Variants in RASAL2 observed in about 807,000 individuals in gnomAD.
RASAL2 encodes RAS protein activator like 2.
In RASAL2, 58 loss-of-function variants were observed where a neutral mutation model predicts 128.9. That is an observed-to-expected ratio of 0.45 (90% CI 0.36 to 0.56). The LOEUF is 0.56. Among genes scored for constraint, RASAL2 ranks in the 20% least tolerant of loss-of-function variants. RASAL2 has a pLI of 0.00. For missense variants in RASAL2, 1,360 were observed against 1,601.6 expected (o/e 0.85, Z 2.57); for synonymous variants, 561 against 580.8 (o/e 0.97, Z 0.49).
rs530178445 is a variant in RASAL2, at chr1:178,375,869, C to T, written c.458-14231C>T. Among the ~76,000 whole-genome samples, 38 of 152,204 alleles carry T rather than the reference C, an allele frequency of 2.5e-4. 1 individual carries two copies. Among genetic ancestry groups the T allele is most frequent in the Admixed American group, 1.8e-3 (27 of 15,268 alleles). ...TTTTCACTTTTAGAAGACTAATCCACATCCAGACAGAAAAAACAGTTTTGG... is the reference window on the plus strand; with the variant it reads ...TTTTCACTTTTAGAAGACTAATCCATATCCAGACAGAAAAAACAGTTTTGG... On this transcript the variant is annotated intron_variant, in intron 3 of 17. Coordinates refer to ENST00000367649, the MANE Select transcript of RASAL2 (RefSeq NM_170692.4).
chr1:178,325,554 G>C (rs1470731586), intron 3 of RASAL2, among the ~76,000 whole-genome samples: 1 of 152,098 alleles, frequency 6.6e-6, no homozygotes, highest in African/African-American at 2.4e-5. Context: ...CTTAAAATAA[G>C]AAGAGAAAAA....
intron 1 of RASAL2, among the ~76,000 whole-genome samples, chr1:178,122,334 A>G (rs1466198227): frequency 6.6e-6 from 1 of 152,204 alleles, no homozygotes; most frequent in Admixed American, 6.5e-5. Flanking sequence ...CCAACACTGG[A>G]GTGTAAAAAA....
At chr1:178,112,643 A>G (rs943648069) in intron 1 of RASAL2, among the ~76,000 whole-genome samples, 1 of 151,672 alleles carries the variant, frequency 6.6e-6, no homozygotes, top group African/African-American at 2.4e-5. Flanking sequence ...TCAGTAAACT[A>G]TCGCAAGAAC....
intron 1 of RASAL2, among the ~76,000 whole-genome samples, chr1:178,129,804 A>G (rs963628871): frequency 3.3e-5 from 5 of 152,152 alleles, no homozygotes; most frequent in African/African-American, 7.2e-5. Context: ...TGGATATCCA[A>G]TTATCCTGAC....
rs74131335 is a variant in RASAL2 at position 178,379,529 on chromosome 1, A to G, written c.458-10571A>G. Among the ~76,000 whole-genome samples the G allele has an allele frequency of 2.4e-3, 369 of 152,332 alleles. 5 individuals carry two copies. The highest frequency in any genetic ancestry group is 8.7e-3 in the African/African-American group (360 of 41,586). On this transcript the variant is annotated intron_variant, in intron 3 of 17. Transcript: ENST00000367649. ...TCATACAGCTTGACTTCAGAAAAATAATTAATGTCAAAGCACACTTGCGTT... is the reference window on the plus strand; with the variant it reads ...TCATACAGCTTGACTTCAGAAAAATGATTAATGTCAAAGCACACTTGCGTT...
chr1:178,166,819 T>C (rs1334742804), intron 1 of RASAL2, among the ~76,000 whole-genome samples: 7 of 152,072 alleles, frequency 4.6e-5, no homozygotes, highest in Admixed American at 2.6e-4. Flanking sequence ...TAATTTATGT[T>C]AGGTTGTAGG....
chr1:178,472,983 T>C, intron 17 of RASAL2, 92 bp from the exon 18 acceptor site: 4 of 1,445,034 alleles, frequency 2.8e-6, no homozygotes, highest in Non-Finnish European at 3.8e-6. Flanking sequence ...CATACAACTG[T>C]TTGAGAGAAA....
At chr1:178,456,518 G>C in intron 12 of RASAL2, 1 of 664,616 alleles carries the variant, frequency 1.5e-6, no homozygotes, top group Non-Finnish European at 2.7e-6. Flanking sequence ...GCCGCACCTT[G>C]TTTCGCCTCC....
chr1:178,466,227 G>A (rs1647671741), intron 16 of RASAL2, 105 bp downstream of exon 16: 6 of 1,069,474 alleles, frequency 5.6e-6, no homozygotes, highest in Non-Finnish European at 7.9e-6. Context: ...TTTTATCCTT[G>A]TGGTACTGAG....
At chr1:178,159,656 C>T (rs529316778) in intron 1 of RASAL2, among the ~76,000 whole-genome samples, 37 of 152,098 alleles carry the variant, frequency 2.4e-4, no homozygotes, top group Admixed American at 8.5e-4. Flanking sequence ...GGGCCGGGTG[C>T]GGTGACTCAT....
intron 4 of RASAL2, among the ~76,000 whole-genome samples, chr1:178,408,348 A>T (rs1674120851): frequency 6.6e-6 from 1 of 152,208 alleles, no homozygotes; most frequent in Admixed American, 6.5e-5. Flanking sequence ...TAAGGCATGG[A>T]TATCATAACT....
At chr1:178,110,697 C>T (rs868016535) in intron 1 of RASAL2, among the ~76,000 whole-genome samples, 22 of 147,188 alleles carry the variant, frequency 1.5e-4, no homozygotes, top group Middle Eastern at 7.1e-3. Context: ...AAGGTATTCT[C>T]ATGCCTCAGC....
chr1:178,402,917 C>T (rs1318483400), intron 4 of RASAL2, among the ~76,000 whole-genome samples: 1 of 152,056 alleles, frequency 6.6e-6, no homozygotes, highest in East Asian at 1.9e-4. Flanking sequence ...TTCAGGCCTT[C>T]CATGATAACC....
intron 1 of RASAL2, among the ~76,000 whole-genome samples, chr1:178,181,334 TTAAA>T (rs988470140): frequency 6.6e-6 from 1 of 152,052 alleles, no homozygotes; most frequent in African/African-American, 2.4e-5. Context: ...ACCATTATTA[TTAAA>T]TAAATTTCCT....
chr1:178,396,826 T>TAAAAA (rs60205143), intron 4 of RASAL2, among the ~76,000 whole-genome samples: 1 of 134,166 alleles, frequency 7.5e-6, no homozygotes, highest in Non-Finnish European at 1.6e-5. Context: ...GAGTGGCTGG[T>TAAAAA]AAAAAAAAAA....
At chr1:178,388,614 G>C (rs1672720360) in intron 3 of RASAL2, among the ~76,000 whole-genome samples, 1 of 152,180 alleles carries the variant, frequency 6.6e-6, no homozygotes, top group Admixed American at 6.5e-5. Context: ...TACCAGTCAA[G>C]ATGTCACAGA....
intron 4 of RASAL2, among the ~76,000 whole-genome samples, chr1:178,400,916 A>G (rs1673584860): frequency 6.6e-6 from 1 of 152,060 alleles, no homozygotes; most frequent in Non-Finnish European, 1.5e-5. Flanking sequence ...ACGCCTGGCT[A>G]ATTTTTCTAT....
At chr1:178,341,168 T>C (rs1192008882) in intron 3 of RASAL2, among the ~76,000 whole-genome samples, 1 of 152,166 alleles carries the variant, frequency 6.6e-6, no homozygotes, top group Non-Finnish European at 1.5e-5. Flanking sequence ...TCTCTGAACT[T>C]AGTTTTATTT....
intron 9 of RASAL2, among the ~76,000 whole-genome samples, chr1:178,446,462 A>G (rs1677004262): frequency 6.6e-6 from 1 of 152,254 alleles, no homozygotes; most frequent in Non-Finnish European, 1.5e-5. Flanking sequence ...GGTGAAATTG[A>G]TAACATATTT....
Sources: allele counts gnomAD v4.1 joint callset (sites outside exome capture counted in the v4.1 genomes callset), GRCh38; gene constraint gnomAD v4.1.1; transcripts MANE v1.5; gene names NCBI Gene and HGNC (gene_info 2026-07-23, HGNC 2026-07-21).